DENND1B: variants seen among roughly 807,000 people sequenced by gnomAD.
The protein encoded by DENND1B is DENN domain containing 1B.
A neutral mutation model predicts 90.1 loss-of-function variants in DENND1B; 59 were observed. The observed-to-expected ratio is 0.65, with a 90% CI of 0.53 to 0.81. The LOEUF (loss-of-function observed/expected upper bound fraction) is 0.81. DENND1B is among the 40% of genes least tolerant of loss of function. DENND1B has a pLI of 0.00. For missense variants in DENND1B, 862 were observed against 912.6 expected (o/e 0.94, Z 0.71); for synonymous variants, 337 against 324.6 (o/e 1.04, Z -0.41).
At chr1:197,624,348 G>C (rs981370493) in intron 10 of DENND1B, among the ~76,000 whole-genome samples, 2 of 151,598 alleles carry the variant, frequency 1.3e-5, no homozygotes, top group Non-Finnish European at 1.5e-5. Context: ...AAATGGTGCT[G>C]GAAGAAGTGG....
intron 2 of DENND1B, among the ~76,000 whole-genome samples, chr1:197,772,384 G>C (rs1656734949): frequency 6.6e-6 from 1 of 152,108 alleles, no homozygotes; most frequent in African/African-American, 2.4e-5. Context: ...CCAGGGCAAA[G>C]ACTTAACACC....
At chr1:197,703,309 A>C (rs183986870) in intron 3 of DENND1B, among the ~76,000 whole-genome samples, 2 of 152,022 alleles carry the variant, frequency 1.3e-5, no homozygotes, top group Non-Finnish European at 2.9e-5. Flanking sequence ...CTTTTACAAA[A>C]AAAAGAAAAA....
At position 197,506,389 on chromosome 1, in the gene DENND1B, T is replaced by G. The variant is rs1178601575; in HGVS notation, c.*4071A>C. On this transcript the variant is annotated 3_prime_UTR_variant, in exon 23 of 23. Coordinates refer to ENST00000620048, the MANE Select transcript of DENND1B (RefSeq NM_001195215.2). ...GTACTGACATAGGGTTTGTAAAAAC[T>G]ATTTCCTACATTAAGAAGTGCTTTG... The G allele has an allele frequency of 6.6e-6, 1 of 151,584 alleles. No homozygotes were observed. The highest frequency in any genetic ancestry group is 1.5e-5 in the Non-Finnish European group (1 of 67,636). 9.4% of individuals were successfully genotyped at this position (151,584 alleles called of 1,614,324 possible).
At chr1:197,653,115 T>C (rs942528704) in intron 6 of DENND1B, among the ~76,000 whole-genome samples, 1 of 151,980 alleles carries the variant, frequency 6.6e-6, no homozygotes, top group Non-Finnish European at 1.5e-5. Context: ...TATCCACTTA[T>C]ACCAAAACTT....
At chr1:197,699,629 T>C (rs758289348) in intron 3 of DENND1B, among the ~76,000 whole-genome samples, 2 of 152,084 alleles carry the variant, frequency 1.3e-5, no homozygotes, top group Non-Finnish European at 2.9e-5. Flanking sequence ...ACTGTGTCTG[T>C]TTACAGACAA....
chr1:197,635,953 T>C (rs140830243), intron 10 of DENND1B, among the ~76,000 whole-genome samples: 1 of 150,822 alleles, frequency 6.6e-6, no homozygotes, highest in Admixed American at 6.6e-5. Flanking sequence ...AGATACATTG[T>C]AGTGACTGAC....
intron 19 of DENND1B, 57 bp from the exon 20 acceptor site, chr1:197,540,128 G>GT (rs1558216492): frequency 8.4e-7 from 1 of 1,189,960 alleles, no homozygotes; most frequent in Non-Finnish European, 1.2e-6. Flanking sequence ...TATTACTAAC[G>GT]TATTAGATTA....
At chr1:197,775,076 G>A in intron 1 of DENND1B, 63 bp downstream of exon 1, 3 of 1,137,170 alleles carry the variant, frequency 2.6e-6, no homozygotes, top group Non-Finnish European at 3.4e-6. Context: ...GAGGAGCCGA[G>A]CTGGCCTGGG....
At chr1:197,553,336 G>T (rs574845146) in intron 15 of DENND1B, among the ~76,000 whole-genome samples, 1 of 152,198 alleles carries the variant, frequency 6.6e-6, no homozygotes, top group South Asian at 2.1e-4. Context: ...TAATTAAATT[G>T]CAAATGTACA....
At chr1:197,680,984 G>T (rs763574937) in intron 3 of DENND1B, among the ~76,000 whole-genome samples, 4 of 152,072 alleles carry the variant, frequency 2.6e-5, no homozygotes, top group Non-Finnish European at 5.9e-5. Context: ...ACAACTGTTA[G>T]CTCTTTTATT....
At chr1:197,762,318 G>T (rs1278358794) in intron 2 of DENND1B, among the ~76,000 whole-genome samples, 1 of 151,620 alleles carries the variant, frequency 6.6e-6, no homozygotes, top group African/African-American at 2.4e-5. Context: ...CCAGGCTAGA[G>T]TGCAGTGGCA....
At chr1:197,519,128 T>C (rs1466303939) in intron 20 of DENND1B, among the ~76,000 whole-genome samples, 2 of 151,994 alleles carry the variant, frequency 1.3e-5, no homozygotes, top group Non-Finnish European at 1.5e-5. Flanking sequence ...TCTGTCAGCA[T>C]ATACATTTCA....
chr1:197,566,477 T>C (rs1259121814), intron 15 of DENND1B, among the ~76,000 whole-genome samples: 1 of 152,036 alleles, frequency 6.6e-6, no homozygotes, highest in Admixed American at 6.6e-5. Context: ...CCCTCAGAAA[T>C]AATGCCGCAT....
chr1:197,674,051 C>A, intron 4 of DENND1B, 69 bp downstream of exon 4: 1 of 1,069,358 alleles, frequency 9.4e-7, no homozygotes, highest in Admixed American at 2.6e-5. Context: ...TATAAAAAAG[C>A]ACATGTAATC....
At chr1:197,604,267 C>A (rs754559154) in intron 13 of DENND1B, among the ~76,000 whole-genome samples, 15 of 150,928 alleles carry the variant, frequency 9.9e-5, no homozygotes, top group Non-Finnish European at 1.0e-4. Context: ...TGTCAGAAGA[C>A]AGGAAAAGAG....
At chr1:197,724,686 G>A (rs1571509723) in intron 2 of DENND1B, among the ~76,000 whole-genome samples, 3 of 152,086 alleles carry the variant, frequency 2.0e-5, no homozygotes, top group Admixed American at 2.0e-4. Flanking sequence ...TCCCACACAG[G>A]CTTCAGATAT....
intron 2 of DENND1B, among the ~76,000 whole-genome samples, chr1:197,716,838 T>C (rs577632304): frequency 1.2e-4 from 18 of 152,008 alleles, no homozygotes; most frequent in African/African-American, 4.1e-4. Context: ...CTTACAACTA[T>C]GTCTTAAATA....
At chr1:197,538,853 C>G in intron 20 of DENND1B, among the ~76,000 whole-genome samples, 1 of 151,760 alleles carries the variant, frequency 6.6e-6, no homozygotes, top group South Asian at 2.1e-4. Context: ...GGGTTCCACC[C>G]TCTTGGGTGG....
At chr1:197,580,087 CTT>C (rs139056668) in intron 15 of DENND1B, among the ~76,000 whole-genome samples, 360 of 76,730 alleles carry the variant, frequency 4.7e-3, no homozygotes, top group African/African-American at 0.018. Context: ...TTCTTTCTTT[CTT>C]TTTTTTTTTT....
Sources: allele counts gnomAD v4.1 joint callset (sites outside exome capture counted in the v4.1 genomes callset), GRCh38; gene constraint gnomAD v4.1.1; transcripts MANE v1.5; gene names NCBI Gene and HGNC (gene_info 2026-07-23, HGNC 2026-07-21).